The following SPTBN1 variants were observed in gnomAD, a reference collection of about 807,000 sequenced individuals.
SPTBN1 encodes spectrin beta, non-erythrocytic 1, also known as spectrin beta chain, non-erythrocytic 1.
SPTBN1 carries 32 observed loss-of-function variants against 266.4 expected under a neutral mutation model. The observed-to-expected ratio is 0.12, with a 90% CI of 0.09 to 0.16. SPTBN1 has a LOEUF of 0.16. Among genes scored for constraint, SPTBN1 ranks in the 10% least tolerant of loss-of-function variants. The pLI, the probability that SPTBN1 is intolerant of heterozygous loss-of-function variation, is 1.00. For missense variants in SPTBN1, 2,296 were observed against 3,067.1 expected (o/e 0.75, Z 5.94); for synonymous variants, 1,336 against 1,162.2 (o/e 1.15, Z -3.04).
chr2:54,457,395 A>G lies in SPTBN1; in HGVS notation c.-48+877A>G, dbSNP rs150834533. ...CTTCTCTTTGTTTTTGTGATAGGAA[A>G]GGTGCCAACTGCTGCCATCAGATGA... On this transcript the variant is annotated intron_variant, in intron 1 of 35. Coordinates refer to ENST00000356805, the MANE Select transcript of SPTBN1 (RefSeq NM_003128.3). The G allele has an allele frequency of 7.5e-3, 1,148 of 152,662 alleles. 6 individuals are homozygous for G. Among genetic ancestry groups the G allele is most frequent in the African/African-American group, 0.026 (1,099 of 41,564 alleles). 9.5% of individuals were successfully genotyped at this position (152,662 alleles called of 1,614,324 possible). A position where few individuals can be genotyped will look rare whatever the true frequency, so the allele number is the denominator to read the frequency against.
intron 1 of SPTBN1, among the ~76,000 whole-genome samples, chr2:54,478,511 T>G (rs1266156061): frequency 6.6e-6 from 1 of 152,196 alleles, no homozygotes; most frequent in Non-Finnish European, 1.5e-5. Flanking sequence ...GGCCGAACCC[T>G]GTAGATCTTA....
intron 1 of SPTBN1, among the ~76,000 whole-genome samples, chr2:54,503,209 G>A (rs960493974): frequency 6.6e-6 from 1 of 152,216 alleles, no homozygotes; most frequent in Non-Finnish European, 1.5e-5. Context: ...GATATATTAT[G>A]CTCAGCTTTT....
intron 4 of SPTBN1, among the ~76,000 whole-genome samples, chr2:54,613,480 G>A (rs1471761397): frequency 6.6e-6 from 1 of 152,194 alleles, no homozygotes; most frequent in East Asian, 1.9e-4. Flanking sequence ...GATTATATAT[G>A]TGGGAAGAAG....
intron 17 of SPTBN1, among the ~76,000 whole-genome samples, chr2:54,633,972 A>T (rs975115212): frequency 7.9e-5 from 12 of 152,240 alleles, no homozygotes; most frequent in Non-Finnish European, 1.6e-4. Context: ...TTGCTTTTAA[A>T]ACAGCTGCAA....
intron 2 of SPTBN1, among the ~76,000 whole-genome samples, chr2:54,586,313 C>T (rs1675291998): frequency 6.6e-6 from 1 of 152,048 alleles, no homozygotes; most frequent in Admixed American, 6.5e-5. Context: ...TGGTCACTGG[C>T]CAAAAAGGGT....
At chr2:54,563,695 C>A (rs962498381) in intron 2 of SPTBN1, among the ~76,000 whole-genome samples, 2 of 145,540 alleles carry the variant, frequency 1.4e-5, no homozygotes, top group African/African-American at 5.1e-5. Flanking sequence ...CCTCTGCCTT[C>A]CGGGTTCAAG....
At chr2:54,500,649 G>C (rs1400002491) in intron 1 of SPTBN1, among the ~76,000 whole-genome samples, 1 of 152,088 alleles carries the variant, frequency 6.6e-6, no homozygotes, top group East Asian at 1.9e-4. Context: ...AGGCTCAAGG[G>C]ATCCACCCAC....
chr2:54,605,883 C>T lies in SPTBN1; in HGVS notation c.301-6278C>T, dbSNP rs118185353. Among the ~76,000 whole-genome samples the T allele has an allele frequency of 3.9e-4, 60 of 152,306 alleles. 1 individual carries two copies. The East Asian group carries it at 9.1e-3, about 23-fold the overall frequency. On this transcript the variant is annotated intron_variant, in intron 3 of 35. Coordinates refer to ENST00000356805, the MANE Select transcript of SPTBN1 (RefSeq NM_003128.3). ...CATCCAGGTCTGGAATGAACCATCC[C>T]TTAGTTCATCTGGCACAGCCAGTCG...
Position 54,540,043 on chromosome 2 carries a change from T to C in SPTBN1, c.148+13477T>C, listed in dbSNP as rs974614336. On this transcript the variant is annotated intron_variant, in intron 2 of 35. Transcript: ENST00000356805. This position sits in a 1 kb window ranked among gnomAD's most constrained non-coding sequence, Gnocchi z 5.6. ...TGGGAAATGATCTTTCTCCCTACCA[T>C]GTGAGAATCTGAGAGGATGGCTGTC... is the stretch of plus-strand genomic sequence containing the variant. 5.9e-5 allele frequency among the ~76,000 whole-genome samples: 9 copies of C among 152,160 alleles called. No homozygotes were observed. Among genetic ancestry groups the C allele is most frequent in the African/African-American group, 2.2e-4 (9 of 41,444 alleles).
At chr2:54,630,124 T>C (rs1572712122) in intron 15 of SPTBN1, 95 bp downstream of exon 15, 1 of 1,486,380 alleles carries the variant, frequency 6.7e-7, no homozygotes, top group East Asian at 2.5e-5. Context: ...ATTTCCCACA[T>C]GGGGTCATCG....
intron 2 of SPTBN1, among the ~76,000 whole-genome samples, chr2:54,531,608 G>GTT (rs71408766): frequency 9.1e-5 from 13 of 142,352 alleles, no homozygotes; most frequent in Middle Eastern, 3.6e-3. Context: ...TTTGTTTTTT[G>GTT]TTTTTTTTTT....
intron 1 of SPTBN1, among the ~76,000 whole-genome samples, chr2:54,499,084 C>A (rs1245977770): frequency 6.6e-6 from 1 of 152,112 alleles, no homozygotes; most frequent in Non-Finnish European, 1.5e-5. Context: ...GTCCTGAGGC[C>A]CTCACCAGCC....
intron 2 of SPTBN1, among the ~76,000 whole-genome samples, chr2:54,535,707 T>G (rs1671558142): frequency 6.6e-6 from 1 of 152,228 alleles, no homozygotes; most frequent in African/African-American, 2.4e-5. Context: ...TGGAAACAGA[T>G]GGCAAATCTG....
chr2:54,457,652 C>G (rs1317825050), intron 1 of SPTBN1, among the ~76,000 whole-genome samples: 5 of 152,206 alleles, frequency 3.3e-5, no homozygotes, highest in African/African-American at 4.8e-5. Context: ...CCTTGGTTCT[C>G]GCTGGCGGGG....
intron 1 of SPTBN1, among the ~76,000 whole-genome samples, chr2:54,496,437 C>CT (rs1553434407): frequency 3.7e-5 from 2 of 54,258 alleles, no homozygotes; most frequent in African/African-American, 1.2e-4. Context: ...TACTCCGTGT[C>CT]TTAAAAAAAA....
chr2:54,481,391 AGT>A (rs72077761), intron 1 of SPTBN1, among the ~76,000 whole-genome samples: 28,610 of 116,658 alleles, frequency 0.25, 2,627 homozygotes, highest in East Asian at 0.36. Flanking sequence ...CAGAAACCTG[AGT>A]GTGTGTGTGT....
In SPTBN1 at chr2:54,664,219, T is replaced by G; in HGVS notation, c.6421-234T>G. On this transcript the variant is annotated intron_variant, in intron 32 of 35. Coordinates refer to ENST00000356805, the MANE Select transcript of SPTBN1 (RefSeq NM_003128.3). The surrounding 1 kb of genome is among the most constrained non-coding windows in gnomAD (Gnocchi z 5.6). ...TCAGAGGAATAGAGTGCAGTAAAACTCATACTGGCATTTCGCTTTTCTCAT... is the reference window on the plus strand; with the variant it reads ...TCAGAGGAATAGAGTGCAGTAAAACGCATACTGGCATTTCGCTTTTCTCAT... The G allele has an allele frequency of 2.0e-6, 1 of 509,332 alleles. No individual in the cohort carries two copies. The highest frequency in any genetic ancestry group is 3.5e-6 in the Non-Finnish European group (1 of 285,930). The allele number at this position is 509,332 out of a possible 1,614,324, so 31.6% of individuals were successfully genotyped here.
chr2:54,483,301 G>A (rs779846664), intron 1 of SPTBN1, among the ~76,000 whole-genome samples: 13 of 152,268 alleles, frequency 8.5e-5, no homozygotes, highest in Non-Finnish European at 1.3e-4. Flanking sequence ...TGGGCACCAC[G>A]GGGTTAAGAA....
At chr2:54,477,366 C>G (rs1667888246) in intron 1 of SPTBN1, among the ~76,000 whole-genome samples, 1 of 151,216 alleles carries the variant, frequency 6.6e-6, no homozygotes, top group Non-Finnish European at 1.5e-5. Flanking sequence ...ACTAAACTCT[C>G]TAACTCCCCA....
Sources: allele counts gnomAD v4.1 joint callset (sites outside exome capture counted in the v4.1 genomes callset), GRCh38; gene constraint gnomAD v4.1.1; non-coding constraint Gnocchi (gnomAD v3.1); transcripts MANE v1.5; gene names NCBI Gene and HGNC (gene_info 2026-07-23, HGNC 2026-07-21).